The following PTPRD variants were observed in gnomAD, a reference collection of about 807,000 sequenced individuals.
PTPRD encodes the protein receptor-type tyrosine-protein phosphatase delta.
A neutral mutation model predicts 214.5 loss-of-function variants in PTPRD; 34 were observed. The observed-to-expected ratio is 0.16, with a 90% CI of 0.12 to 0.21. The LOEUF (loss-of-function observed/expected upper bound fraction) is 0.21. PTPRD is among the 10% of genes least tolerant of loss of function. The pLI is 1.00. For missense variants in PTPRD, 2,545 were observed against 2,398.7 expected (o/e 1.06, Z -1.27); for synonymous variants, 1,128 against 845.7 (o/e 1.33, Z -5.79).
At position 9,753,461 on chromosome 9, in the gene PTPRD, C is replaced by A. The variant is rs544109343; in HGVS notation, c.-326+13349G>T. On this transcript the variant is annotated intron_variant, in intron 6 of 45. Transcript: ENST00000381196. The stretch of plus-strand genomic sequence containing the variant: ...CAAAAATACCCTTCAGGCTAAAGCA[C>A]GCAAGGCTAATGTGGGGAGTGACTG... Among the ~76,000 whole-genome samples, 20 of 152,124 alleles carry A rather than the reference C, an allele frequency of 1.3e-4. 1 individual carries two copies. In the South Asian group the frequency reaches 2.9e-3, roughly 22 times the overall value.
At chr9:9,884,624 C>A (rs1330858884) in intron 5 of PTPRD, among the ~76,000 whole-genome samples, 1 of 151,956 alleles carries the variant, frequency 6.6e-6, no homozygotes, top group Non-Finnish European at 1.5e-5. Context: ...TGGCTGTGTC[C>A]CCAACCAAAT....
intron 9 of PTPRD, among the ~76,000 whole-genome samples, chr9:9,202,869 C>T (rs1254650679): frequency 6.6e-6 from 1 of 152,122 alleles, no homozygotes; most frequent in African/African-American, 2.4e-5. Flanking sequence ...GTTCTTTAGT[C>T]CGCCTCTTAA....
intron 3 of PTPRD, among the ~76,000 whole-genome samples, chr9:10,260,872 A>C (rs1408176022): frequency 1.3e-5 from 2 of 151,944 alleles, no homozygotes; most frequent in Non-Finnish European, 2.9e-5. Flanking sequence ...ATAGAAACTA[A>C]AAATTTAAGC....
At chr9:9,330,780 CTATAA>C (rs1204756477) in intron 9 of PTPRD, among the ~76,000 whole-genome samples, 7 of 151,504 alleles carry the variant, frequency 4.6e-5, no homozygotes, top group Non-Finnish European at 7.4e-5. Context: ...GTGAAATTAT[CTATAA>C]TATAAATATT....
chr9:10,488,834 G>T (rs1232859084), intron 2 of PTPRD, among the ~76,000 whole-genome samples: 1 of 152,020 alleles, frequency 6.6e-6, no homozygotes, highest in Non-Finnish European at 1.5e-5. Context: ...TACCCGACTT[G>T]GGACTCATCT....
chr9:9,058,825 G>C (rs1354074978), intron 10 of PTPRD, among the ~76,000 whole-genome samples: 1 of 152,010 alleles, frequency 6.6e-6, no homozygotes, highest in African/African-American at 2.4e-5. Flanking sequence ...ATAAAGTAAC[G>C]TATGACGGCA....
chr9:10,598,733 T>C (rs1254007395), intron 2 of PTPRD, among the ~76,000 whole-genome samples: 2 of 148,282 alleles, frequency 1.3e-5, no homozygotes, highest in African/African-American at 5.0e-5. Context: ...TGTGTGTGTG[T>C]AGATGGATAG....
intron 16 of PTPRD, among the ~76,000 whole-genome samples, chr9:8,527,121 C>G (rs933033582): frequency 1.3e-5 from 2 of 151,430 alleles, no homozygotes; most frequent in Non-Finnish European, 2.9e-5. Flanking sequence ...ATACTACTTG[C>G]TATGCTACAT....
chr9:10,565,039 C>T (rs964516400), intron 2 of PTPRD, among the ~76,000 whole-genome samples: 4 of 151,958 alleles, frequency 2.6e-5, no homozygotes, highest in Non-Finnish European at 2.9e-5. Flanking sequence ...GAAGGAATTC[C>T]TAATGTAGCA....
rs140148932 is a variant in PTPRD at position 8,756,927 on chromosome 9, G to C, written c.-103-22981C>G. Among the ~76,000 whole-genome samples, 760 of 152,182 alleles carry C rather than the reference G, an allele frequency of 5.0e-3. 6 individuals carry two copies. Among genetic ancestry groups the C allele is most frequent in the African/African-American group, 0.018 (733 of 41,528 alleles). ...AGGCCGAGGTGGGCAGATCACTTGA[G>C]GTTAGGAGTTCAAGACCACCTTGGC... On this transcript the variant is annotated intron_variant, in intron 11 of 45. Transcript: ENST00000381196.
intron 11 of PTPRD, among the ~76,000 whole-genome samples, chr9:8,873,571 G>A (rs972001928): frequency 1.6e-4 from 25 of 152,114 alleles, no homozygotes; most frequent in African/African-American, 5.8e-4. Flanking sequence ...TTGAATGAGT[G>A]CTAAATAAAT....
At chr9:9,195,022 A>ATGTG (rs35104691) in intron 9 of PTPRD, among the ~76,000 whole-genome samples, 4 of 149,034 alleles carry the variant, frequency 2.7e-5, no homozygotes, top group Non-Finnish European at 5.9e-5. Context: ...TATGGTATAT[A>ATGTG]TGTGTGTGTG....
rs372994502 is a variant in PTPRD at position 9,765,827 on chromosome 9, A to AT, written c.-326+982dup. 1.8e-3 allele frequency among the ~76,000 whole-genome samples: 268 copies of AT among 149,534 alleles called. 1 individual carries two copies. The highest frequency in any genetic ancestry group is 3.9e-3 in the Admixed American group (58 of 15,056). The stretch of plus-strand genomic sequence containing the variant: ...AGGCACCCACCACCACCCCTGGCTA[A>AT]TTTTTTTTTTATTTTTAGTAGAGAC... On this transcript the variant is annotated intron_variant, in intron 6 of 45. Coordinates refer to ENST00000381196, the MANE Select transcript of PTPRD (RefSeq NM_002839.4).
At position 9,208,982 on chromosome 9, in the gene PTPRD, G is replaced by A. The variant is rs1051164881; in HGVS notation, c.-202-25619C>T. Reference sequence around the variant, plus strand: ...GCCAATATGCCTGGCTAATTTTTTTGTGCTTTTAGTAGAGACAGGGTTTCA... The same window carrying A: ...GCCAATATGCCTGGCTAATTTTTTTATGCTTTTAGTAGAGACAGGGTTTCA... On this transcript the variant is annotated intron_variant, in intron 9 of 45. Transcript: ENST00000381196. Among the ~76,000 whole-genome samples, 36 of 151,976 alleles carry A rather than the reference G, an allele frequency of 2.4e-4. 1 individual carries two copies. The highest frequency in any genetic ancestry group is 8.0e-4 in the African/African-American group (33 of 41,432).
At chr9:8,614,865 C>T (rs920507188) in intron 14 of PTPRD, among the ~76,000 whole-genome samples, 1 of 152,152 alleles carries the variant, frequency 6.6e-6, no homozygotes, top group Admixed American at 6.6e-5. Flanking sequence ...AAGTAATCTA[C>T]ATATGGCAAG....
chr9:10,215,351 ATATAT>A (rs1437049129), intron 3 of PTPRD, among the ~76,000 whole-genome samples: 2 of 152,076 alleles, frequency 1.3e-5, no homozygotes, highest in Non-Finnish European at 2.9e-5. Context: ...GGGTTAAACA[ATATAT>A]TAGACATTTT....
chr9:9,883,110 C>A (rs74529145), intron 5 of PTPRD, among the ~76,000 whole-genome samples: 1 of 152,108 alleles, frequency 6.6e-6, no homozygotes, highest in African/African-American at 2.4e-5. Flanking sequence ...ATAAATTACC[C>A]AGTCTTAGGT....
chr9:8,528,407 G>A (rs1026978787), intron 15 of PTPRD, 184 bp downstream of exon 15: 2 of 657,822 alleles, frequency 3.0e-6, no homozygotes, highest in African/African-American at 3.7e-5. Context: ...AAAGGAGAAA[G>A]ACAGACTCTG....
intron 3 of PTPRD, among the ~76,000 whole-genome samples, chr9:10,331,351 A>G (rs2096747057): frequency 6.6e-6 from 1 of 151,852 alleles, no homozygotes; most frequent in African/African-American, 2.4e-5. Context: ...AAGCTTGTCT[A>G]GCTTGAAGGA....
Sources: gnomAD v4.1 joint callset for allele counts (sites outside exome capture counted in the v4.1 genomes callset) on GRCh38, gnomAD v4.1.1 for gene constraint, MANE v1.5 for transcripts, NCBI Gene and HGNC (gene_info 2026-07-23, HGNC 2026-07-21) for gene names.